Variants in PRPSAP2 observed in about 807,000 individuals in gnomAD.
The protein encoded by PRPSAP2 is phosphoribosyl pyrophosphate synthase-associated protein 2.
Under a neutral mutation model 40.6 loss-of-function variants are expected in PRPSAP2, and 24 were observed. The observed-to-expected ratio is 0.59, with a 90% confidence interval of 0.43 to 0.83. PRPSAP2 has a LOEUF of 0.83. PRPSAP2 is among the 40% of genes least tolerant of loss of function. The pLI is 0.00. For synonymous variants in PRPSAP2, 149 were observed against 164.7 expected, an observed-to-expected ratio of 0.90 and a Z score of 0.73; for missense variants, 292 against 465.6, an observed-to-expected ratio of 0.63 and a Z score of 3.43.
intron 4 of PRPSAP2, among the ~76,000 whole-genome samples, chr17:18,869,842 T>TTTTG (rs1555548063): frequency 5.0e-5 from 7 of 139,148 alleles, no homozygotes; most frequent in East Asian, 2.0e-4. Flanking sequence ...TACTTTTTTT[T>TTTTG]TGTGTGTGTG....
rs1190210686 is a variant in PRPSAP2, at chr17:18,928,869, G to C, written c.863G>C (p.Arg288Thr). The change falls in exon 11 of 12, where the codon AGA becomes ACA. Residue 288 changes from arginine (R) to threonine (T), a missense_variant. Arg to Thr is a moderately conservative substitution (Grantham distance 71, BLOSUM62 -1). Coordinates refer to ENST00000268835, the MANE Select transcript of PRPSAP2 (RefSeq NM_002767.4). Reference sequence around the variant, plus strand: ...GCTGCAGCAGAGACCCTGAAGGAAAGAGGTGCATATAAGATCTTTGTGATG... The same window carrying C: ...GCTGCAGCAGAGACCCTGAAGGAAACAGGTGCATATAAGATCTTTGTGATG... The part of the protein sequence containing the change: ...FLAAAETLKE[R>T]GAYKIFVMAT... The C allele has an allele frequency of 6.2e-7, 1 of 1,614,156 alleles. No individual in the cohort carries two copies. Among genetic ancestry groups the C allele is most frequent in the South Asian group, 1.1e-5 (1 of 91,086 alleles).
intron 5 of PRPSAP2, among the ~76,000 whole-genome samples, chr17:18,876,837 C>T (rs1434609025): frequency 2.0e-5 from 3 of 152,112 alleles, no homozygotes; most frequent in Non-Finnish European, 2.9e-5. Flanking sequence ...GCAGTGGGAA[C>T]GCCTAGAGCA....
chr17:18,858,544 C>T (rs1288199639), intron 1 of PRPSAP2: 2 of 152,308 alleles, frequency 1.3e-5, no homozygotes, highest in Admixed American at 1.3e-4. Flanking sequence ...GGAGTCGAAC[C>T]CTGATGATGG....
chr17:18,881,210 G>C (rs1295966760), intron 6 of PRPSAP2, among the ~76,000 whole-genome samples: 8 of 151,348 alleles, frequency 5.3e-5, no homozygotes, highest in Non-Finnish European at 1.5e-5. Context: ...AAATACAAGT[G>C]CTGAGTTTTT....
rs999262648 is a variant in PRPSAP2, at chr17:18,858,181, A to G, written c.-209A>G. 1 of 152,228 alleles carries G rather than the reference A, an allele frequency of 6.6e-6. No homozygotes were observed. The highest frequency in any genetic ancestry group is 6.5e-5 in the Admixed American group (1 of 15,284). The allele number at this position is 152,228 out of a possible 1,614,324, so 9.4% of individuals were successfully genotyped here. ...TGCATGGAGTCGCCATTTTGCTCCT[A>G]GAGAGGCCGCCAGGAGACCCGGCGC... On this transcript the variant is annotated 5_prime_UTR_variant, in exon 1 of 12. It removes the in-frame stop codon of an upstream open reading frame in the 5' UTR. Coordinates refer to ENST00000268835, the MANE Select transcript of PRPSAP2 (RefSeq NM_002767.4).
chr17:18,890,412 C>T (rs2039469718), intron 8 of PRPSAP2, among the ~76,000 whole-genome samples: 1 of 152,112 alleles, frequency 6.6e-6, no homozygotes, highest in Admixed American at 6.6e-5. Context: ...TCAGGTGATC[C>T]ACCTGCCTTG....
intron 6 of PRPSAP2, among the ~76,000 whole-genome samples, chr17:18,879,874 G>T (rs2038598043): frequency 1.1e-5 from 1 of 88,816 alleles, no homozygotes; most frequent in Non-Finnish European, 2.2e-5. Context: ...ACCAGGGGGC[G>T]ATCACCTGAG....
intron 11 of PRPSAP2, among the ~76,000 whole-genome samples, chr17:18,930,101 G>A (rs1449832856): frequency 6.6e-6 from 1 of 152,198 alleles, no homozygotes; most frequent in African/African-American, 2.4e-5. Flanking sequence ...GGCTGGGCGC[G>A]GTGGCTCACG....
chr17:18,896,749 C>T (rs1184737669), intron 8 of PRPSAP2, among the ~76,000 whole-genome samples: 1 of 152,082 alleles, frequency 6.6e-6, no homozygotes, highest in Non-Finnish European at 1.5e-5. Context: ...CCCTGAGTCT[C>T]AGCAAGCTGC....
chr17:18,868,663 C>T (rs9914243), intron 4 of PRPSAP2, among the ~76,000 whole-genome samples: 1,768 of 151,460 alleles, frequency 0.012, 37 homozygotes, highest in African/African-American at 0.041. Flanking sequence ...TTTTGGCACA[C>T]AGTAGGTGCT....
intron 8 of PRPSAP2, among the ~76,000 whole-genome samples, chr17:18,905,252 C>G (rs1463501775): frequency 6.6e-6 from 1 of 152,138 alleles, no homozygotes; most frequent in Admixed American, 6.6e-5. Context: ...TCTCAAACTC[C>G]TGACCTCAGG....
chr17:18,892,573 T>A (rs1030226358), intron 8 of PRPSAP2, among the ~76,000 whole-genome samples: 7 of 151,496 alleles, frequency 4.6e-5, no homozygotes, highest in Admixed American at 2.6e-4. Flanking sequence ...ATTTCCCTAA[T>A]GATTGATGAT....
At chr17:18,923,889 G>A (rs1180847888) in intron 9 of PRPSAP2, 25 bp from the exon 10 acceptor site, 1 of 1,569,528 alleles carries the variant, frequency 6.4e-7, no homozygotes, top group Non-Finnish European at 8.7e-7. Context: ...TAAAAATTTT[G>A]GTGTGTGTGT....
chr17:18,898,975 C>T (rs2040095418), intron 8 of PRPSAP2, among the ~76,000 whole-genome samples: 1 of 152,114 alleles, frequency 6.6e-6, no homozygotes, highest in African/African-American at 2.4e-5. Flanking sequence ...GATCTTGGCT[C>T]ACCGTTGCAA....
chr17:18,864,102 C>T (rs536709218), intron 1 of PRPSAP2, among the ~76,000 whole-genome samples: 55 of 151,806 alleles, frequency 3.6e-4, no homozygotes, highest in Non-Finnish European at 6.9e-4. Context: ...GATCTGCCCA[C>T]CTCAGCCTCC....
Position 18,882,689 on chromosome 17 carries a change from C to T in PRPSAP2, c.528+6C>T. Reference sequence around the variant, plus strand: ...TACAGTATATTCAAGAAGAGGTGAGCTAGCTCAAACTTTTTTATTTTAACA... The same window carrying T: ...TACAGTATATTCAAGAAGAGGTGAGTTAGCTCAAACTTTTTTATTTTAACA... On this transcript the variant is annotated splice_donor_region_variant and intron_variant, in intron 7 of 11. Transcript: ENST00000268835. 6.6e-7 allele frequency: 1 copy of T among 1,507,928 alleles called. No homozygotes were observed. The highest frequency in any genetic ancestry group is 9.2e-7 in the Non-Finnish European group (1 of 1,089,506). 93.4% of individuals were successfully genotyped at this position (1,507,928 alleles called of 1,614,324 possible). A position where few individuals can be genotyped will look rare whatever the true frequency, so the allele number is the denominator to read the frequency against.
chr17:18,857,786 G>A (rs2036690044), upstream of PRPSAP2: 1 of 152,256 alleles, frequency 6.6e-6, no homozygotes, highest in African/African-American at 2.4e-5. Flanking sequence ...TTTTTCAGAT[G>A]AGGAAACAAG....
intron 8 of PRPSAP2, among the ~76,000 whole-genome samples, chr17:18,899,811 C>T (rs62075127): frequency 0.075 from 11,336 of 152,002 alleles, 438 homozygotes; most frequent in South Asian, 0.084. Flanking sequence ...GCTGGGATTA[C>T]AGGTGTGAGC....
intron 8 of PRPSAP2, among the ~76,000 whole-genome samples, chr17:18,903,503 G>A (rs951571769): frequency 9.9e-5 from 15 of 152,278 alleles, no homozygotes; most frequent in African/African-American, 3.6e-4. Context: ...GGAGGCTGAG[G>A]TTGGAAGATC....
Sources: allele counts gnomAD v4.1 joint callset (sites outside exome capture counted in the v4.1 genomes callset), GRCh38; gene constraint gnomAD v4.1.1; transcripts MANE v1.5; gene names NCBI Gene and HGNC (gene_info 2026-07-23, HGNC 2026-07-21).